The following DDR2 variants were observed in gnomAD, a reference collection of about 807,000 sequenced individuals.
DDR2 encodes discoidin domain-containing receptor 2.
Under a neutral mutation model 94.9 loss-of-function variants are expected in DDR2, and 27 were observed. That is an observed-to-expected ratio of 0.28 (90% CI 0.21 to 0.39). DDR2 has a LOEUF of 0.39. DDR2 is among the 10% of genes least tolerant of loss of function. The pLI is 1.00. For synonymous variants in DDR2, 382 were observed against 377.2 expected, an observed-to-expected ratio of 1.01 and a Z score of -0.15; for missense variants, 783 against 1,076.0, an observed-to-expected ratio of 0.73 and a Z score of 3.81.
intron 2 of DDR2, among the ~76,000 whole-genome samples, chr1:162,712,548 C>A (rs1660966898): frequency 2.6e-5 from 4 of 152,012 alleles, no homozygotes; most frequent in African/African-American, 9.7e-5. Context: ...GACACATGGC[C>A]TGTCCAGATC....
chr1:162,758,107 T>C (rs1011270417), intron 7 of DDR2, among the ~76,000 whole-genome samples: 2 of 151,906 alleles, frequency 1.3e-5, no homozygotes, highest in Admixed American at 1.3e-4. Context: ...TCTGTGAGAC[T>C]GAGAAGACAT....
intron 8 of DDR2, among the ~76,000 whole-genome samples, chr1:162,760,615 G>GAT (rs1309834368): frequency 6.7e-6 from 1 of 148,158 alleles, no homozygotes; most frequent in Non-Finnish European, 1.5e-5. Flanking sequence ...TATACAACTA[G>GAT]ATATATATAT....
chr1:162,769,593 G>A (rs969819053), intron 11 of DDR2, among the ~76,000 whole-genome samples: 3 of 152,190 alleles, frequency 2.0e-5, no homozygotes, highest in Non-Finnish European at 4.4e-5. Flanking sequence ...TTGGAGTGGA[G>A]CATTTTACAT....
chr1:162,740,475 C>A (rs976004715), intron 3 of DDR2, among the ~76,000 whole-genome samples: 1 of 152,156 alleles, frequency 6.6e-6, no homozygotes, highest in African/African-American at 2.4e-5. Context: ...TTGCTGTTCC[C>A]CTTGCATAAA....
intron 3 of DDR2, among the ~76,000 whole-genome samples, chr1:162,726,626 T>C (rs1661678774): frequency 1.3e-5 from 2 of 152,088 alleles, no homozygotes; most frequent in African/African-American, 4.8e-5. Flanking sequence ...AGTCTAAACT[T>C]TGGGGCCAGG....
intron 11 of DDR2, among the ~76,000 whole-genome samples, chr1:162,769,480 A>C (rs1448376472): frequency 6.6e-6 from 1 of 152,164 alleles, no homozygotes; most frequent in African/African-American, 2.4e-5. Flanking sequence ...CTTTGTTCTG[A>C]GCTTCATGCT....
At chr1:162,659,065 A>G (rs1558010224) in intron 2 of DDR2, among the ~76,000 whole-genome samples, 2 of 152,170 alleles carry the variant, frequency 1.3e-5, no homozygotes, top group Non-Finnish European at 2.9e-5. Context: ...TTTATTTACC[A>G]AAAAGGTAAC....
chr1:162,701,676 C>T (rs929766811), intron 2 of DDR2, among the ~76,000 whole-genome samples: 2 of 152,206 alleles, frequency 1.3e-5, no homozygotes, highest in Non-Finnish European at 2.9e-5. Flanking sequence ...GATTAGTCAG[C>T]CTCTACTTGA....
intron 3 of DDR2, among the ~76,000 whole-genome samples, chr1:162,722,186 G>A (rs1661455259): frequency 6.6e-6 from 1 of 152,210 alleles, no homozygotes; most frequent in Non-Finnish European, 1.5e-5. Context: ...GTTGGCTGAA[G>A]CACGAAGGCA....
intron 2 of DDR2, among the ~76,000 whole-genome samples, chr1:162,696,667 G>A (rs574179368): frequency 6.6e-5 from 10 of 152,010 alleles, no homozygotes; most frequent in African/African-American, 2.2e-4. Flanking sequence ...AAATGCAACT[G>A]ACAGCTACAC....
chr1:162,718,520 T>C (rs1265417704), intron 2 of DDR2, among the ~76,000 whole-genome samples: 1 of 152,148 alleles, frequency 6.6e-6, no homozygotes, highest in Non-Finnish European at 1.5e-5. Flanking sequence ...ATCTAATCTA[T>C]TATCATAGAT....
chr1:162,756,191 C>T (rs746327747), intron 7 of DDR2, among the ~76,000 whole-genome samples: 80 of 152,214 alleles, frequency 5.3e-4, no homozygotes, highest in Non-Finnish European at 9.3e-4. Context: ...CATATAAATG[C>T]TTTGAAATTT....
At chr1:162,667,203 C>T (rs1658625648) in intron 2 of DDR2, among the ~76,000 whole-genome samples, 1 of 152,110 alleles carries the variant, frequency 6.6e-6, no homozygotes, top group Non-Finnish European at 1.5e-5. Context: ...CTTCCTTGTA[C>T]ATCTATATCT....
chr1:162,664,832 G>T (rs1658469535), intron 2 of DDR2, among the ~76,000 whole-genome samples: 1 of 152,140 alleles, frequency 6.6e-6, no homozygotes, highest in Admixed American at 6.5e-5. Context: ...TTTGTTGACA[G>T]AATGCATTAA....
intron 1 of DDR2, among the ~76,000 whole-genome samples, chr1:162,642,589 C>T (rs1657195696): frequency 6.6e-6 from 1 of 152,086 alleles, no homozygotes; most frequent in Admixed American, 6.5e-5. Flanking sequence ...CGTGCCTGGC[C>T]TGTTTTATTT....
At chr1:162,699,103 C>G (rs1660316571) in intron 2 of DDR2, among the ~76,000 whole-genome samples, 1 of 152,204 alleles carries the variant, frequency 6.6e-6, no homozygotes, top group Non-Finnish European at 1.5e-5. Context: ...AGAAGGCTGG[C>G]ATAGGCTTCT....
chr1:162,737,886 G>C (rs1288828927), intron 3 of DDR2, among the ~76,000 whole-genome samples: 4 of 150,504 alleles, frequency 2.7e-5, no homozygotes, highest in African/African-American at 9.8e-5. Flanking sequence ...TAGTGGTTTT[G>C]ATTTGCATTT....
chr1:162,637,629 A>G (rs1187990105), intron 1 of DDR2, among the ~76,000 whole-genome samples: 1 of 152,172 alleles, frequency 6.6e-6, no homozygotes, highest in African/African-American at 2.4e-5. Context: ...AATACATCAT[A>G]TTGCTGCCTC....
upstream of DDR2, chr1:162,632,418 G>T (rs1183345223): frequency 6.6e-6 from 1 of 152,088 alleles, no homozygotes; most frequent in East Asian, 1.9e-4. Context: ...TGGATGCTGG[G>T]ATCCCTGGCG....
Sources: gnomAD v4.1 joint callset for allele counts (sites outside exome capture counted in the v4.1 genomes callset) on GRCh38, gnomAD v4.1.1 for gene constraint, MANE v1.5 for transcripts, NCBI Gene and HGNC (gene_info 2026-07-23, HGNC 2026-07-21) for gene names.